Variants in NTRK3 observed in about 807,000 individuals in gnomAD.
The protein encoded by NTRK3 is neurotrophic receptor tyrosine kinase 3.
In NTRK3, 24 loss-of-function variants were observed where a neutral mutation model predicts 91.7. That is an observed-to-expected ratio of 0.26 (90% CI 0.19 to 0.37). NTRK3 has a LOEUF of 0.37. Among genes scored for constraint, NTRK3 ranks in the 10% least tolerant of loss-of-function variants. NTRK3 has a pLI of 1.00. For synonymous variants in NTRK3, 483 were observed against 404.0 expected (o/e 1.20, Z -2.34); for missense variants, 880 against 1,068.9 (o/e 0.82, Z 2.46).
exon 19 of NTRK3, chr15:87,873,705 A>G: frequency 4.4e-6 from 1 of 227,812 alleles, no homozygotes; most frequent in Non-Finnish European, 8.7e-6. Context: ...TAGGCTCTTC[A>G]TAAATAAATA....
rs148185517 is a variant in NTRK3 at position 88,165,375 on chromosome 15, C to T, written c.396-17972G>A. On this transcript the variant is annotated intron_variant, in intron 5 of 18. Transcript: ENST00000394480. ...CTTGCATTGAACAGGGTGCCAAACT[C>T]AACTCATTATTTCTTAGACCTGCAC... Among the ~76,000 whole-genome samples, 414 of 152,284 alleles carry T rather than the reference C, an allele frequency of 2.7e-3. 7 individuals carry two copies. In the East Asian group the frequency reaches 0.033, roughly 12 times the overall value.
At chr15:88,189,511 A>G (rs1419284215) in intron 3 of NTRK3, among the ~76,000 whole-genome samples, 1 of 151,302 alleles carries the variant, frequency 6.6e-6, no homozygotes, top group East Asian at 2.0e-4. Flanking sequence ...AGTGGGGTGC[A>G]ATGGCTCACT....
chr15:88,235,697 G>C lies in NTRK3; in HGVS notation c.248+20209C>G, dbSNP rs554236671. Among the ~76,000 whole-genome samples, 1 of 152,206 alleles carries C rather than the reference G, an allele frequency of 6.6e-6. No homozygotes were observed. The highest frequency in any genetic ancestry group is 1.5e-5 in the Non-Finnish European group (1 of 68,032). Reference sequence around the variant, plus strand: ...AGGGAGCTCTGAGAGGACCCTAGGGGGATGTCCTTGGGCTGAGGACCCCAG... The same window carrying C: ...AGGGAGCTCTGAGAGGACCCTAGGGCGATGTCCTTGGGCTGAGGACCCCAG... On this transcript the variant is annotated intron_variant, in intron 3 of 18. Transcript: ENST00000394480. The surrounding 1 kb of genome is among the most constrained non-coding windows in gnomAD (Gnocchi z 5.2).
intron 6 of NTRK3, among the ~76,000 whole-genome samples, chr15:88,144,647 T>C (rs2042715128): frequency 6.6e-6 from 1 of 152,140 alleles, no homozygotes; most frequent in South Asian, 2.1e-4. Flanking sequence ...TTACTAGCCA[T>C]GTGATCTTGA....
At chr15:87,893,429 G>A (rs576370615) in intron 17 of NTRK3, among the ~76,000 whole-genome samples, 1 of 152,262 alleles carries the variant, frequency 6.6e-6, no homozygotes, top group South Asian at 2.1e-4. Flanking sequence ...GTTCTACTTG[G>A]GGCAGAATGC....
At chr15:88,049,868 T>C (rs1244816819) in intron 13 of NTRK3, among the ~76,000 whole-genome samples, 1 of 152,238 alleles carries the variant, frequency 6.6e-6, no homozygotes, top group Admixed American at 6.5e-5. Flanking sequence ...ATTATGCATC[T>C]CTGCATCTGC....
intron 13 of NTRK3, among the ~76,000 whole-genome samples, chr15:88,038,014 G>A (rs749969881): frequency 7.2e-5 from 11 of 152,324 alleles, no homozygotes; most frequent in South Asian, 4.1e-4. Context: ...CTGCCTCCCT[G>A]AAAGTGCAGA....
At chr15:88,153,076 C>T (rs1314148393) in intron 5 of NTRK3, among the ~76,000 whole-genome samples, 1 of 152,072 alleles carries the variant, frequency 6.6e-6, no homozygotes, top group Non-Finnish European at 1.5e-5. Context: ...GAATGTCCAA[C>T]CCCTCCCAAT....
intron 14 of NTRK3, among the ~76,000 whole-genome samples, chr15:88,029,176 G>A (rs1037567658): frequency 1.3e-5 from 2 of 152,210 alleles, no homozygotes; most frequent in Non-Finnish European, 1.5e-5. Context: ...TAGGCTTTGG[G>A]TTCTGTATAC....
chr15:88,035,367 G>C (rs775867379), intron 13 of NTRK3, among the ~76,000 whole-genome samples: 31 of 152,192 alleles, frequency 2.0e-4, no homozygotes, highest in Non-Finnish European at 3.7e-4. Flanking sequence ...AGGCTCAGGA[G>C]AGGGCTGGGA....
At chr15:88,128,629 GGA>G in intron 11 of NTRK3, 80 bp downstream of exon 11, 1 of 1,416,284 alleles carries the variant, frequency 7.1e-7, no homozygotes, top group Non-Finnish European at 1.0e-6. Context: ...ATGTGGAATA[GGA>G]GAGAGGGCTA....
At chr15:88,185,841 C>A (rs2046899542) in intron 3 of NTRK3, among the ~76,000 whole-genome samples, 1 of 152,228 alleles carries the variant, frequency 6.6e-6, no homozygotes, top group Non-Finnish European at 1.5e-5. Flanking sequence ...GGAAGCATTT[C>A]AGAGCCACAC....
rs142223610 is a variant in NTRK3 at position 88,047,207 on chromosome 15, C to T, written c.1397-14162G>A. On this transcript the variant is annotated intron_variant, in intron 13 of 18. Transcript: ENST00000394480. The stretch of plus-strand genomic sequence containing the variant: ...CACATGAACTAGTAGCACGTGGCTG[C>T]TCATTGAACAGGTGTGTAAGGAGAA... Among the ~76,000 whole-genome samples, 327 of 152,288 alleles carry T rather than the reference C, an allele frequency of 2.1e-3. 2 individuals carry two copies. Among genetic ancestry groups the T allele is most frequent in the African/African-American group, 7.1e-3 (297 of 41,546 alleles).
At chr15:87,974,999 CCT>C (rs1355450393) in intron 14 of NTRK3, among the ~76,000 whole-genome samples, 2 of 152,156 alleles carry the variant, frequency 1.3e-5, no homozygotes, top group Non-Finnish European at 2.9e-5. Context: ...AGGCAGTCCC[CCT>C]GTCAGTCCTG....
intron 13 of NTRK3, among the ~76,000 whole-genome samples, chr15:88,042,417 C>T (rs977351827): frequency 1.6e-4 from 24 of 152,194 alleles, no homozygotes; most frequent in African/African-American, 5.8e-4. Context: ...GGGCCCTCCC[C>T]TCTCTGCCTC....
rs146190552 is a variant in NTRK3 at position 87,940,892 on chromosome 15, C to T, written c.1586-139G>A. 477 of 1,138,170 alleles carry T rather than the reference C, an allele frequency of 4.2e-4. No homozygotes were observed. The African/African-American group carries it at 5.2e-3, about 12-fold the overall frequency. 70.5% of individuals were successfully genotyped at this position (1,138,170 alleles called of 1,614,324 possible). On this transcript the variant is annotated intron_variant, in intron 14 of 18. Transcript: ENST00000394480. ...GCAAAGGCAAACTCTAGCACACCAG[C>T]TTTAGCATAAAAACTGACATCCCTC...
intron 13 of NTRK3, among the ~76,000 whole-genome samples, chr15:88,100,884 T>G (rs2050107022): frequency 6.6e-6 from 1 of 152,208 alleles, no homozygotes; most frequent in African/African-American, 2.4e-5. Flanking sequence ...ATTAAAGACT[T>G]AAATGTTAGA....
exon 13 of NTRK3, chr15:88,126,367 T>C (rs1166498193): frequency 1.2e-6 from 2 of 1,611,264 alleles, no homozygotes; most frequent in South Asian, 1.1e-5. Flanking sequence ...CCAACTGCTA[T>C]GGATACCTGT....
At chr15:88,021,813 T>G (rs1008339909) in intron 14 of NTRK3, among the ~76,000 whole-genome samples, 10 of 152,164 alleles carry the variant, frequency 6.6e-5, no homozygotes, top group Non-Finnish European at 1.5e-4. Context: ...ATGACTCACG[T>G]GTTCACTCAC....
Sources: allele counts gnomAD v4.1 joint callset (sites outside exome capture counted in the v4.1 genomes callset), GRCh38; gene constraint gnomAD v4.1.1; non-coding constraint Gnocchi (gnomAD v3.1); transcripts MANE v1.5; gene names NCBI Gene and HGNC (gene_info 2026-07-23, HGNC 2026-07-21).